Variants in ZSCAN29 observed in about 807,000 individuals in gnomAD.
The protein encoded by ZSCAN29 is zinc finger and SCAN domain-containing protein 29.
A neutral mutation model predicts 71.9 loss-of-function variants in ZSCAN29; 55 were observed. The ratio of observed to expected loss-of-function variants is 0.76; its 90% CI spans 0.62 to 0.96. The LOEUF is 0.96. Ranked by LOEUF, ZSCAN29 falls within the 40% of genes least tolerant of loss-of-function variation. ZSCAN29 has a pLI of 0.00. For missense variants in ZSCAN29, 1,042 were observed against 1,042.2 expected (o/e 1.00, Z 0.00); for synonymous variants, 351 against 371.6 (o/e 0.94, Z 0.64).
In ZSCAN29 at chr15:43,366,289, G is replaced by T; in HGVS notation, c.1043C>A (p.Ser348Tyr). 6.2e-7 allele frequency: 1 copy of T among 1,613,180 alleles called. No homozygotes were observed. ...ATCGCTGCCTACCAGGCCAGAGTGA[G>T]AGGCTGCTGCTTCCAGGCCATTACT... ...LPSNGLEAAA[S>Y]HSGLVGSDAE... The change falls in exon 4 of 6, where the codon TCT becomes TAT. Residue 348 changes from serine to tyrosine, a missense_variant. Physicochemically the swap from Ser to Tyr is moderately radical, Grantham distance 144. Transcript: ENST00000684362.
In ZSCAN29 at chr15:43,361,731, C is replaced by G; in HGVS notation, c.1901G>C (p.Ser634Thr). 1 of 1,614,210 alleles carries G rather than the reference C, an allele frequency of 6.2e-7. No individual in the cohort carries two copies. Among genetic ancestry groups the G allele is most frequent in the Non-Finnish European group, 8.5e-7 (1 of 1,180,044 alleles). The change falls in exon 6 of 6, where the codon AGC becomes ACC. Residue 634 changes from serine to threonine, a missense_variant. Physicochemically the swap from Ser to Thr is moderately conservative, Grantham distance 58. Coordinates refer to ENST00000684362, the MANE Select transcript of ZSCAN29 (RefSeq NM_001372080.1). Reference protein sequence around the residue: ...KRGKLTLPEKSLSEVLSQQRP... With the variant: ...KRGKLTLPEKTLSEVLSQQRP... ...CTGTTGACTTAGGACTTCACTTAAG[C>G]TCTTCTCCGGGAGTGTCAGTTTTCC...
chr15:43,364,278 C>CGT lies in ZSCAN29; in HGVS notation c.1326_1327insAC (p.Gly443ThrfsTer53), dbSNP rs780062361. 6.2e-7 allele frequency: 1 copy of CGT among 1,614,206 alleles called. No homozygotes were observed. Among genetic ancestry groups the CGT allele is most frequent in the Non-Finnish European group, 8.5e-7 (1 of 1,180,034 alleles). Reference sequence around the variant, plus strand: ...TCCCATAACCTCTCAGCCACTGCTCCATACAGCTGGCTGTTGCGGTGACAG... The same window carrying CGT: ...TCCCATAACCTCTCAGCCACTGCTCCGTATACAGCTGGCTGTTGCGGTGACAG... On this transcript the variant is annotated frameshift_variant, in exon 5 of 6. Transcript: ENST00000684362. LOFTEE classifies it high-confidence loss of function.
chr15:43,360,325 C>T lies in ZSCAN29; in HGVS notation c.*748G>A, dbSNP rs1326395184. 6.7e-6 allele frequency: 1 copy of T among 148,654 alleles called. No homozygotes were observed. The highest frequency in any genetic ancestry group is 1.5e-5 in the Non-Finnish European group (1 of 67,564). 9.2% of individuals were successfully genotyped at this position (148,654 alleles called of 1,614,324 possible). On this transcript the variant is annotated 3_prime_UTR_variant, in exon 6 of 6. Transcript: ENST00000684362. The stretch of plus-strand genomic sequence containing the variant: ...TGCCACTGCACTCCAGCCTGGACGA[C>T]AGAGTGAGACTCCATCTCGAAAAAA...
chr15:43,364,249 A>G lies in ZSCAN29; in HGVS notation c.1356T>C (p.Tyr452=), dbSNP rs1275953093. ...ACTGTTCTGGGGTCCTAAGAAAGCC[A>G]TATTCCCATAACCTCTCAGCCACTG... ...YGAVAERLWE[Y]GFLRTPEQCR... The change falls in exon 5 of 6, where the codon TAT becomes TAC. Residue 452 remains tyrosine (Y), a synonymous_variant. Transcript: ENST00000684362. The G allele has an allele frequency of 5.6e-6, 9 of 1,614,230 alleles. No homozygotes were observed. Among genetic ancestry groups the G allele is most frequent in the Non-Finnish European group, 6.8e-6 (8 of 1,180,042 alleles).
chr15:43,368,606 T>C (rs1275725113), intron 3 of ZSCAN29, among the ~76,000 whole-genome samples: 1 of 151,140 alleles, frequency 6.6e-6, no homozygotes, highest in Non-Finnish European at 1.5e-5. Flanking sequence ...ATAGTTTAAT[T>C]TGAAGATGGA....
chr15:43,367,885 C>T (rs1045548616), intron 3 of ZSCAN29, among the ~76,000 whole-genome samples: 6 of 152,038 alleles, frequency 3.9e-5, no homozygotes, highest in African/African-American at 1.4e-4. Context: ...AAAACAACCT[C>T]AACAAATTTT....
At chr15:43,362,472 A>T (rs1054447742) in intron 5 of ZSCAN29, among the ~76,000 whole-genome samples, 1 of 152,316 alleles carries the variant, frequency 6.6e-6, no homozygotes, top group African/African-American at 2.4e-5. Context: ...AAAAATATGT[A>T]GTGTCTTTCA....
chr15:43,361,096 G>GA lies in ZSCAN29; in HGVS notation c.2535dup (p.Leu846SerfsTer11), dbSNP rs1339051527. ...GCTTACTTGGGAGCTGACTGTGTCAGAAGCTTTTCCCGTGCATGGATTTCT... is the reference window on the plus strand; with the variant it reads ...GCTTACTTGGGAGCTGACTGTGTCAGAAAGCTTTTCCCGTGCATGGATTTCT... On this transcript the variant is annotated frameshift_variant, in exon 6 of 6. Coordinates refer to ENST00000684362, the MANE Select transcript of ZSCAN29 (RefSeq NM_001372080.1). LOFTEE classifies it high-confidence loss of function. 1 of 1,602,936 alleles carries GA rather than the reference G, an allele frequency of 6.2e-7. No individual in the cohort carries two copies.
Position 43,366,449 on chromosome 15 carries a change from G to C in ZSCAN29, c.883C>G (p.Leu295Val). Residue 295 changes from leucine (L) to valine (V), a missense_variant, in exon 4 of 6, where the codon CTG becomes GTG. Coordinates refer to ENST00000684362, the MANE Select transcript of ZSCAN29 (RefSeq NM_001372080.1). Reference protein sequence around the residue: ...RLREYGFLRTLEQCRTKFKGL... With the variant: ...RLREYGFLRTVEQCRTKFKGL... ...TTGAACTTGGTCCGACACTGTTCCA[G>C]GGTCCGGAGGAAGCCATATTCCCTG... 6.2e-7 allele frequency: 1 copy of C among 1,614,172 alleles called. No individual in the cohort carries two copies. The highest frequency in any genetic ancestry group is 8.5e-7 in the Non-Finnish European group (1 of 1,180,012).
In ZSCAN29 at chr15:43,360,995, G is replaced by A. The variant is rs1231906203; in HGVS notation, c.*78C>T. 4 of 1,492,164 alleles carry A rather than the reference G, an allele frequency of 2.7e-6. No individual in the cohort carries two copies. In the Admixed American group the frequency reaches 9.0e-5, roughly 33 times the overall value. 92.4% of individuals were successfully genotyped at this position (1,492,164 alleles called of 1,614,324 possible). On this transcript the variant is annotated 3_prime_UTR_variant, in exon 6 of 6. Coordinates refer to ENST00000684362, the MANE Select transcript of ZSCAN29 (RefSeq NM_001372080.1). ...TCCTAAGCTAACTGGACACAGAATA[G>A]TAGATGAATCTCACTATTGGAAGAC...
At chr15:43,364,415 A>T in intron 4 of ZSCAN29, 33 bp from the exon 5 acceptor site, 1 of 1,591,196 alleles carries the variant, frequency 6.3e-7, no homozygotes, top group Non-Finnish European at 8.6e-7. Flanking sequence ...AGCACCACTT[A>T]ATCCAGAGCT....
intron 5 of ZSCAN29, among the ~76,000 whole-genome samples, chr15:43,362,495 G>T (rs1465227119): frequency 6.6e-6 from 1 of 152,026 alleles, no homozygotes; most frequent in East Asian, 1.9e-4. Flanking sequence ...GAACCAAAAG[G>T]CCCTAAGAAC....
In ZSCAN29 at chr15:43,361,397, CTGAT is replaced by C. The variant is rs1566881707; in HGVS notation, c.2231_2234del (p.Asn744ArgfsTer102). On this transcript the variant is annotated frameshift_variant, in exon 6 of 6. Coordinates refer to ENST00000684362, the MANE Select transcript of ZSCAN29 (RefSeq NM_001372080.1). LOFTEE classifies it high-confidence loss of function. The stretch of plus-strand genomic sequence containing the variant: ...TCTGGTGAATGATAAGGCTTGAGCT[CTGAT>C]TGAAGCATTTCCCACACTCACCACA... 1.2e-6 allele frequency: 2 copies of C among 1,613,874 alleles called. No individual in the cohort carries two copies. The highest frequency in any genetic ancestry group is 1.7e-6 in the Non-Finnish European group (2 of 1,180,000).
intron 5 of ZSCAN29, among the ~76,000 whole-genome samples, chr15:43,362,951 T>C (rs900942070): frequency 3.3e-5 from 5 of 152,034 alleles, no homozygotes; most frequent in Non-Finnish European, 7.4e-5. Context: ...ATCAACCCTA[T>C]GAGGTAGGTC....
Position 43,366,654 on chromosome 15 carries a change from A to G in ZSCAN29, c.678T>C (p.Asp226=), listed in dbSNP as rs776745172. 2.2e-5 allele frequency: 35 copies of G among 1,614,036 alleles called. No homozygotes were observed. The highest frequency in any genetic ancestry group is 8.8e-5 in the South Asian group (8 of 91,070). Residue 226 remains aspartate (D), a synonymous_variant, in exon 4 of 6, where the codon GAT becomes GAC. Coordinates refer to ENST00000684362, the MANE Select transcript of ZSCAN29 (RefSeq NM_001372080.1). ...VHADLLPSKK[D]RRSWVEQDHW... The stretch of plus-strand genomic sequence containing the variant: ...GATCCTGTTCCACCCAGCTTCTTCT[A>G]TCTTTCTTGGATGGTAACAGATCAG...
intron 3 of ZSCAN29, 34 bp downstream of exon 3, chr15:43,368,889 G>C (rs1345328721): frequency 2.6e-6 from 4 of 1,526,082 alleles, no homozygotes; most frequent in Non-Finnish European, 3.5e-6. Context: ...ACTTGGAATG[G>C]CAGTCTATCT....
rs376561845 is a variant in ZSCAN29 at position 43,369,618 on chromosome 15, T to C, written c.296A>G (p.Glu99Gly). Residue 99 changes from glutamate to glycine, a missense_variant, in exon 2 of 6, where the codon GAG becomes GGG. Glu to Gly is a moderately conservative substitution (Grantham distance 98, BLOSUM62 -2). Transcript: ENST00000684362. ...AVTLVEDLER[E>G]PGRPRSSVTV... ...CACCGAAGATCTAGGTCTTCCAGGC[T>C]CTCTTTCTAAATCTTCCACGAGAGT... 6.2e-7 allele frequency: 1 copy of C among 1,613,156 alleles called. No individual in the cohort carries two copies. Among genetic ancestry groups the C allele is most frequent in the African/African-American group, 1.3e-5 (1 of 75,004 alleles).
chr15:43,366,141 T>C lies in ZSCAN29; in HGVS notation c.1191A>G (p.Ser397=), dbSNP rs757803068. The C allele has an allele frequency of 1.9e-6, 3 of 1,613,164 alleles. No homozygotes were observed. In the African/African-American group the frequency reaches 4.0e-5, roughly 22 times the overall value. Residue 397 remains serine (S), a synonymous_variant, in exon 4 of 6, where the codon TCA becomes TCG. Coordinates refer to ENST00000684362, the MANE Select transcript of ZSCAN29 (RefSeq NM_001372080.1). The part of the protein sequence containing the change: ...DLEATPQDPN[S]AAPVVFRSPG... ...GGCTTCTGAACACAACAGGTGCAGC[T>C]GAGTTGGGGTCCTGGGGGGTCGCCT...
chr15:43,369,527 G>A lies in ZSCAN29; in HGVS notation c.318+69C>T, dbSNP rs2044076276. 5 of 1,505,476 alleles carry A rather than the reference G, an allele frequency of 3.3e-6. No homozygotes were observed. In the South Asian group the frequency reaches 3.8e-5, roughly 11 times the overall value. 93.3% of individuals were successfully genotyped at this position (1,505,476 alleles called of 1,614,324 possible). On this transcript the variant is annotated intron_variant, in intron 2 of 5. Coordinates refer to ENST00000684362, the MANE Select transcript of ZSCAN29 (RefSeq NM_001372080.1). ...GGAGACTGTGTCCCTCTTTAAGCCT[G>A]TCTATATCTTAATTTAGCCCTCCAC...
Sources: gnomAD v4.1 joint callset for allele counts (sites outside exome capture counted in the v4.1 genomes callset) on GRCh38, gnomAD v4.1.1 for gene constraint, MANE v1.5 for transcripts, NCBI Gene and HGNC (gene_info 2026-07-23, HGNC 2026-07-21) for gene names.